RPGRIP1L: variants seen among roughly 807,000 people sequenced by gnomAD.
RPGRIP1L encodes protein fantom.
RPGRIP1L carries 131 observed loss-of-function variants against 160.4 expected under a neutral mutation model. The observed-to-expected ratio is 0.82, with a 90% CI of 0.71 to 0.94. The LOEUF (loss-of-function observed/expected upper bound fraction) is 0.94. RPGRIP1L is among the 40% of genes least tolerant of loss of function. RPGRIP1L has a pLI of 0.00. For synonymous variants in RPGRIP1L, 510 were observed against 515.8 expected (o/e 0.99, Z 0.15); for missense variants, 1,522 against 1,535.8 (o/e 0.99, Z 0.15).
chr16:53,659,865 G>C (rs1967623020), intron 10 of RPGRIP1L: 1 of 152,210 alleles, frequency 6.6e-6, no homozygotes, highest in Non-Finnish European at 1.5e-5. Flanking sequence ...GGGCGACAGA[G>C]CAAGACTCTG....
At chr16:53,695,438 T>G (rs1399354033) in intron 3 of RPGRIP1L, 2 of 703,014 alleles carry the variant, frequency 2.8e-6, no homozygotes, top group Non-Finnish European at 5.2e-6. Context: ...CTTCAATGGT[T>G]GTCTCACCTT....
rs556170240 is a variant in RPGRIP1L, at chr16:53,618,782, A to G, written c.3616+243T>C. ...GGCTGGTCTGGAACTCCAGAGCTCA[A>G]GCGATCCACCCGTCTCGGTCTCCCA... On this transcript the variant is annotated intron_variant, in intron 24 of 26. Coordinates refer to ENST00000647211, the MANE Select transcript of RPGRIP1L (RefSeq NM_015272.5). Among the ~76,000 whole-genome samples, 3 of 152,154 alleles carry G rather than the reference A, an allele frequency of 2.0e-5. No individual in the cohort carries two copies. The South Asian group carries it at 6.2e-4, about 32-fold the overall frequency.
intron 14 of RPGRIP1L, among the ~76,000 whole-genome samples, chr16:53,655,831 G>A (rs72803646): frequency 0.031 from 4,794 of 152,254 alleles, 159 homozygotes; most frequent in East Asian, 0.14. Flanking sequence ...ATTTCAAGTA[G>A]AGGGATCGCT....
In RPGRIP1L at chr16:53,601,096, A is replaced by G. The variant is rs886052087; in HGVS notation, c.*980T>C. 8 of 152,658 alleles carry G rather than the reference A, an allele frequency of 5.2e-5. No individual in the cohort carries two copies. Among genetic ancestry groups the G allele is most frequent in the Non-Finnish European group, 1.0e-4 (7 of 68,050 alleles). 9.5% of individuals were successfully genotyped at this position (152,658 alleles called of 1,614,324 possible). ...ATTCACAGCTCCATTAAAAATATCA[A>G]TTAAATCCTTCAGTGAGATTGGGTA... On this transcript the variant is annotated 3_prime_UTR_variant, in exon 27 of 27. Coordinates refer to ENST00000647211, the MANE Select transcript of RPGRIP1L (RefSeq NM_015272.5).
At chr16:53,652,466 T>C (rs2151123638) in intron 15 of RPGRIP1L, 69 bp downstream of exon 15, 2 of 1,183,338 alleles carry the variant, frequency 1.7e-6, no homozygotes, top group African/African-American at 1.5e-5. Flanking sequence ...GATAGTAATG[T>C]AGAGTACCAT....
chr16:53,695,829 C>T, intron 3 of RPGRIP1L: 1 of 316,866 alleles, frequency 3.2e-6, no homozygotes, highest in Non-Finnish European at 5.8e-6. Context: ...AAAATCAAGA[C>T]ATTTAAAAAA....
intron 18 of RPGRIP1L, 41 bp from the exon 19 acceptor site, chr16:53,641,157 C>T (rs778870639): frequency 1.3e-6 from 2 of 1,563,922 alleles, no homozygotes; most frequent in South Asian, 1.1e-5. Context: ...AGTATGATGA[C>T]CATTAGATTT....
intron 25 of RPGRIP1L, among the ~76,000 whole-genome samples, chr16:53,610,461 T>C (rs1195822890): frequency 2.0e-5 from 3 of 152,212 alleles, no homozygotes; most frequent in Non-Finnish European, 4.4e-5. Context: ...CTGTGTGCTA[T>C]GTGTCAGGTA....
intron 26 of RPGRIP1L, 187 bp downstream of exon 26, chr16:53,605,294 A>AG (rs1392826522): frequency 3.1e-6 from 2 of 640,186 alleles, no homozygotes; most frequent in Non-Finnish European, 5.6e-6. Flanking sequence ...AAAGGAAAGC[A>AG]GGGGGGAGGA....
chr16:53,640,959 G>A (rs1466430851), intron 19 of RPGRIP1L, 74 bp downstream of exon 19: 2 of 1,014,390 alleles, frequency 2.0e-6, no homozygotes, highest in Non-Finnish European at 3.1e-6. Context: ...ATCAGGTAGG[G>A]AATAATATGC....
rs961878463 is a variant in RPGRIP1L at position 53,613,513 on chromosome 16, C to T, written c.3617-2462G>A. The stretch of plus-strand genomic sequence containing the variant: ...TTTAGTTTTTGTAGAGATGGAGTCT[C>T]ACTATGTTGCCCAGGCTGATCTTGA... On this transcript the variant is annotated intron_variant, in intron 24 of 26. Transcript: ENST00000647211. Among the ~76,000 whole-genome samples the T allele has an allele frequency of 2.6e-5, 4 of 152,082 alleles. No homozygotes were observed. The East Asian group carries it at 7.7e-4, about 29-fold the overall frequency.
intron 22 of RPGRIP1L, among the ~76,000 whole-genome samples, chr16:53,629,175 G>T (rs1003088943): frequency 2.6e-5 from 4 of 152,070 alleles, no homozygotes; most frequent in African/African-American, 9.7e-5. Flanking sequence ...CTGCACATTA[G>T]AATCACCAGG....
chr16:53,611,756 G>A (rs879307705), intron 24 of RPGRIP1L, among the ~76,000 whole-genome samples: 1 of 152,226 alleles, frequency 6.6e-6, no homozygotes, highest in African/African-American at 2.4e-5. Context: ...TGCACTTTGG[G>A]AAAATGGCAT....
intron 10 of RPGRIP1L, 149 bp from the exon 11 acceptor site, chr16:53,659,027 C>T: frequency 2.9e-6 from 2 of 690,126 alleles, no homozygotes; most frequent in South Asian, 3.6e-5. Context: ...TCGACAAAGA[C>T]AGCAGGGGAA....
chr16:53,675,222 G>T, intron 6 of RPGRIP1L, 100 bp from the exon 7 acceptor site: 2 of 739,892 alleles, frequency 2.7e-6, no homozygotes, highest in East Asian at 5.4e-5. Context: ...ATGTTACATA[G>T]AAAATATTTA....
intron 16 of RPGRIP1L, among the ~76,000 whole-genome samples, chr16:53,648,642 A>ACACACACG (rs1188465847): frequency 6.6e-6 from 1 of 151,896 alleles, no homozygotes; most frequent in Non-Finnish European, 1.5e-5. Flanking sequence ...ACACACACAC[A>ACACACACG]CACACACACA....
intron 26 of RPGRIP1L, among the ~76,000 whole-genome samples, chr16:53,602,500 G>A (rs1355767225): frequency 6.6e-6 from 1 of 152,170 alleles, no homozygotes; most frequent in Admixed American, 6.5e-5. Context: ...TACTGGACGG[G>A]CATGGTGGCT....
chr16:53,610,811 G>A (rs1003624346), intron 25 of RPGRIP1L, among the ~76,000 whole-genome samples, 156 bp downstream of exon 25: 1 of 152,130 alleles, frequency 6.6e-6, no homozygotes, highest in Non-Finnish European at 1.5e-5. Flanking sequence ...GGAGGAAGGC[G>A]ATCTACAGAG....
chr16:53,691,866 T>C (rs934823382), intron 4 of RPGRIP1L, among the ~76,000 whole-genome samples, 200 bp downstream of exon 4: 1 of 152,238 alleles, frequency 6.6e-6, no homozygotes, highest in Admixed American at 6.5e-5. Context: ...GGAATGTTTT[T>C]ACTAAACAAA....
Sources: allele counts gnomAD v4.1 joint callset (sites outside exome capture counted in the v4.1 genomes callset), GRCh38; gene constraint gnomAD v4.1.1; transcripts MANE v1.5; gene names NCBI Gene and HGNC (gene_info 2026-07-23, HGNC 2026-07-21).